Variants in CASZ1 observed in about 807,000 individuals in gnomAD.
The protein encoded by CASZ1 is castor zinc finger 1, also known as zinc finger protein castor homolog 1.
CASZ1 carries 28 observed loss-of-function variants against 135.2 expected under a neutral mutation model. That is an observed-to-expected ratio of 0.21 (90% CI 0.15 to 0.28). CASZ1 has a LOEUF of 0.28. Among genes scored for constraint, CASZ1 ranks in the 10% least tolerant of loss-of-function variants. The probability of loss-of-function intolerance (pLI) is 1.00; values close to 1 mark genes in which losing one functional copy is unlikely to be tolerated. For synonymous variants in CASZ1, 1,068 were observed against 1,073.4 expected, an observed-to-expected ratio of 0.99 and a Z score of 0.10; for missense variants, 2,161 against 2,453.3, an observed-to-expected ratio of 0.88 and a Z score of 2.52.
rs1440432669 is a variant in CASZ1, at chr1:10,724,376, G to A, written c.-76-18832C>T. 3.3e-5 allele frequency among the ~76,000 whole-genome samples: 5 copies of A among 152,246 alleles called. No individual in the cohort carries two copies. Among genetic ancestry groups the A allele is most frequent in the Admixed American group, 3.3e-4 (5 of 15,282 alleles). On this transcript the variant is annotated intron_variant, in intron 2 of 20. Transcript: ENST00000377022. This position sits in a 1 kb window ranked among gnomAD's most constrained non-coding sequence, Gnocchi z 4.1. ...AAGTGCCGAAGGTGCTTGGCACCGA[G>A]TGTTTGCTTATTTACAAGGCTGTTT...
chr1:10,778,490 T>A (rs1640701749), intron 1 of CASZ1, among the ~76,000 whole-genome samples: 1 of 151,956 alleles, frequency 6.6e-6, no homozygotes, highest in Admixed American at 6.6e-5. Flanking sequence ...ACAATCACAG[T>A]CTCAAACACA....
chr1:10,677,794 G>C (rs1282155021), intron 4 of CASZ1, among the ~76,000 whole-genome samples: 4 of 152,196 alleles, frequency 2.6e-5, no homozygotes, highest in Non-Finnish European at 5.9e-5. Context: ...CAGGCCCCTC[G>C]GGCCCCAAAT....
At chr1:10,703,811 T>A (rs1025553011) in intron 3 of CASZ1, among the ~76,000 whole-genome samples, 1 of 152,222 alleles carries the variant, frequency 6.6e-6, no homozygotes, top group Non-Finnish European at 1.5e-5. Flanking sequence ...GCCATTCAAC[T>A]CTCTCTGCAA....
chr1:10,768,852 C>T (rs1288246853), intron 1 of CASZ1, among the ~76,000 whole-genome samples: 6 of 152,156 alleles, frequency 3.9e-5, no homozygotes, highest in Non-Finnish European at 4.4e-5. Context: ...AATGACAACT[C>T]AAGCCAAGCT....
In CASZ1 at chr1:10,706,736, G is replaced by C. The variant is rs1200159398; in HGVS notation, c.-76-1192C>G. Among the ~76,000 whole-genome samples, 1 of 152,156 alleles carries C rather than the reference G, an allele frequency of 6.6e-6. No homozygotes were observed. The highest frequency in any genetic ancestry group is 1.5e-5 in the Non-Finnish European group (1 of 68,020). ...GGCAGAGGGTGCCCACTGGGGCGGAGCCTGCCCTGCCAGATACAGGGCTCT... is the reference window on the plus strand; with the variant it reads ...GGCAGAGGGTGCCCACTGGGGCGGACCCTGCCCTGCCAGATACAGGGCTCT... On this transcript the variant is annotated intron_variant, in intron 2 of 20. Coordinates refer to ENST00000377022, the MANE Select transcript of CASZ1 (RefSeq NM_001079843.3). This position sits in a 1 kb window ranked among gnomAD's most constrained non-coding sequence, Gnocchi z 4.3.
chr1:10,669,897 C>T (rs1643351049), intron 4 of CASZ1, among the ~76,000 whole-genome samples: 1 of 152,186 alleles, frequency 6.6e-6, no homozygotes, highest in Non-Finnish European at 1.5e-5. Flanking sequence ...TGCTTGGTGG[C>T]TCTGAACTCC....
chr1:10,779,100 T>C (rs1406782858), intron 1 of CASZ1, among the ~76,000 whole-genome samples: 1 of 152,138 alleles, frequency 6.6e-6, no homozygotes, highest in Non-Finnish European at 1.5e-5. Context: ...AAAAGAAAGT[T>C]TGTTGTTGAG....
chr1:10,653,456 A>G lies in CASZ1; in HGVS notation c.2601T>C (p.Ser867=). ...APPASIMERI[S]ASKGLISPMM... ...TGGGCGAGATGAGGCCCTTGCTTGCAGAGATCCTCTCCATGATGGAGGCGG... is the reference window on the plus strand; with the variant it reads ...TGGGCGAGATGAGGCCCTTGCTTGCGGAGATCCTCTCCATGATGGAGGCGG... The change falls in exon 11 of 21, where the codon TCT becomes TCC. Residue 867 remains serine, a synonymous_variant. Transcript: ENST00000377022. The G allele has an allele frequency of 6.2e-7, 1 of 1,613,308 alleles. No homozygotes were observed. The highest frequency in any genetic ancestry group is 2.2e-5 in the East Asian group (1 of 44,880).
chr1:10,698,766 A>G (rs538844771), intron 3 of CASZ1, among the ~76,000 whole-genome samples: 1 of 152,326 alleles, frequency 6.6e-6, no homozygotes, highest in East Asian at 1.9e-4. Flanking sequence ...GAGCTCCTCC[A>G]AACTGGCCTT....
At chr1:10,667,651 G>C (rs953582731) in intron 4 of CASZ1, among the ~76,000 whole-genome samples, 24 of 152,216 alleles carry the variant, frequency 1.6e-4, no homozygotes, top group Non-Finnish European at 2.9e-4. Flanking sequence ...GGGAAGGGAA[G>C]GGGGGAGTGG....
Position 10,650,921 on chromosome 1 carries a change from C to A in CASZ1, c.2816+20G>T, listed in dbSNP as rs1192975083. The A allele has an allele frequency of 6.2e-7, 1 of 1,606,848 alleles. No homozygotes were observed. The highest frequency in any genetic ancestry group is 1.7e-5 in the Admixed American group (1 of 58,142). ...AGGTGTGGTTCCCGGGGCTGGCTCC[C>A]ATAGGGGGCCTCGCCTCACCTGGGC... On this transcript the variant is annotated intron_variant, in intron 12 of 20. Transcript: ENST00000377022.
At position 10,647,974 on chromosome 1, in the gene CASZ1, G is replaced by T. The variant is rs777477845; in HGVS notation, c.3324C>A (p.Ala1108=). 4.4e-6 allele frequency: 7 copies of T among 1,608,806 alleles called. No homozygotes were observed. The African/African-American group carries it at 8.0e-5, about 18-fold the overall frequency. ...SSLEGPAPSP[A]SVPSTPTLLA... ...GCAGGGTGGGGGTGGAGGGCACGGAGGCCGGGCTGGGAGCGGGCCCCTCCA... is the reference window on the plus strand; with the variant it reads ...GCAGGGTGGGGGTGGAGGGCACGGATGCCGGGCTGGGAGCGGGCCCCTCCA... Residue 1108 remains alanine, a synonymous_variant, in exon 16 of 21, where the codon GCC becomes GCA. Transcript: ENST00000377022. This position sits in a 1 kb window ranked among gnomAD's most constrained non-coding sequence, Gnocchi z 4.9.
chr1:10,775,773 C>T (rs1056127800), intron 1 of CASZ1, among the ~76,000 whole-genome samples: 12 of 152,110 alleles, frequency 7.9e-5, no homozygotes, highest in Non-Finnish European at 1.6e-4. Flanking sequence ...GCCAAAGGGC[C>T]GAGAGGAAAG....
intron 4 of CASZ1, among the ~76,000 whole-genome samples, chr1:10,693,043 G>C (rs1638817468): frequency 6.6e-6 from 1 of 152,204 alleles, no homozygotes; most frequent in Non-Finnish European, 1.5e-5. Context: ...ACACTGGAAA[G>C]AATTAGATTA....
At chr1:10,738,361 C>T (rs1185157266) in intron 2 of CASZ1, among the ~76,000 whole-genome samples, 1 of 152,216 alleles carries the variant, frequency 6.6e-6, no homozygotes, top group Non-Finnish European at 1.5e-5. Context: ...ACCCCACCCA[C>T]CCCCTCCTTT....
intron 2 of CASZ1, among the ~76,000 whole-genome samples, chr1:10,743,989 T>C (rs1639988428): frequency 1.3e-5 from 2 of 152,038 alleles, no homozygotes; most frequent in Admixed American, 6.6e-5. Context: ...ATCTAGCATA[T>C]TGCTGTTAAA....
chr1:10,791,590 C>T (rs756804763), intron 1 of CASZ1, among the ~76,000 whole-genome samples: 6 of 152,090 alleles, frequency 3.9e-5, no homozygotes, highest in African/African-American at 9.7e-5. Context: ...CTGAGGGCTG[C>T]GAGAATGACA....
At chr1:10,761,314 G>A (rs1477646521) in intron 1 of CASZ1, among the ~76,000 whole-genome samples, 1 of 152,166 alleles carries the variant, frequency 6.6e-6, no homozygotes, top group Non-Finnish European at 1.5e-5. Flanking sequence ...CTTTCCCTGC[G>A]CCAGCTCCCA....
chr1:10,642,976 C>T lies in CASZ1; in HGVS notation c.4045G>A (p.Glu1349Lys), dbSNP rs753650518. 5.0e-6 allele frequency: 8 copies of T among 1,613,006 alleles called. No homozygotes were observed. Among genetic ancestry groups the T allele is most frequent in the Non-Finnish European group, 5.9e-6 (7 of 1,179,924 alleles). ...SQGPPGLMDA[E>K]TDECMDYTGC... ...GTGTAGTCCATGCACTCATCTGTCT[C>T]AGCATCCATCAGGCCTGGGGGGCCC... Residue 1349 changes from glutamate to lysine, a missense_variant, in exon 20 of 21, where the codon GAG (glutamate) becomes AAG (lysine). Coordinates refer to ENST00000377022, the MANE Select transcript of CASZ1 (RefSeq NM_001079843.3).
Sources: allele counts gnomAD v4.1 joint callset (sites outside exome capture counted in the v4.1 genomes callset), GRCh38; gene constraint gnomAD v4.1.1; non-coding constraint Gnocchi (gnomAD v3.1); transcripts MANE v1.5; gene names NCBI Gene and HGNC (gene_info 2026-07-23, HGNC 2026-07-21).